The following NAV3 variants were observed in gnomAD, a reference collection of about 807,000 sequenced individuals.
NAV3 encodes pore membrane and/or filament interacting like protein 1.
A neutral mutation model predicts 244.7 loss-of-function variants in NAV3; 87 were observed. The ratio of observed to expected loss-of-function variants is 0.36; its 90% confidence interval spans 0.30 to 0.42. The LOEUF is 0.42. Ranked by LOEUF, NAV3 falls within the 20% of genes least tolerant of loss-of-function variation. NAV3 has a pLI of 1.00. For missense variants in NAV3, 2,663 were observed against 2,893.3 expected (o/e 0.92, Z 1.83); for synonymous variants, 1,126 against 1,042.2 (o/e 1.08, Z -1.55).
chr12:77,819,129 C>T (rs1872633525), intron 2 of NAV3, among the ~76,000 whole-genome samples: 1 of 151,898 alleles, frequency 6.6e-6, no homozygotes, highest in African/African-American at 2.4e-5. Flanking sequence ...AAGGAAACTG[C>T]TGGATTTTAA....
At chr12:77,745,423 G>C (rs1013101009) in intron 2 of NAV3, among the ~76,000 whole-genome samples, 1 of 152,014 alleles carries the variant, frequency 6.6e-6, no homozygotes, top group Admixed American at 6.6e-5. Flanking sequence ...GGGGAAGACT[G>C]GGGGTAAGCA....
chr12:78,139,923 A>G (rs1956534969), intron 19 of NAV3, among the ~76,000 whole-genome samples: 1 of 152,134 alleles, frequency 6.6e-6, no homozygotes. Flanking sequence ...AGGTACATAC[A>G]TTTTTTAAGG....
intron 2 of NAV3, among the ~76,000 whole-genome samples, chr12:77,663,191 T>C (rs1456109942): frequency 1.3e-5 from 2 of 152,210 alleles, no homozygotes; most frequent in Non-Finnish European, 2.9e-5. Context: ...TCTTAAATAA[T>C]TTTTGAATTA....
intron 2 of NAV3, among the ~76,000 whole-genome samples, chr12:77,751,136 A>C (rs1448019322): frequency 6.6e-6 from 1 of 152,196 alleles, no homozygotes; most frequent in Non-Finnish European, 1.5e-5. Flanking sequence ...TAGGCATATG[A>C]AAGTTGAGTT....
At chr12:78,155,758 A>G (rs1202559307) in intron 22 of NAV3, among the ~76,000 whole-genome samples, 1 of 150,942 alleles carries the variant, frequency 6.6e-6, no homozygotes, top group Non-Finnish European at 1.5e-5. Context: ...CCTTTTTTTT[A>G]TATGTTTGTT....
chr12:77,645,940 A>G (rs943491035), intron 2 of NAV3, among the ~76,000 whole-genome samples: 1 of 152,140 alleles, frequency 6.6e-6, no homozygotes, highest in Non-Finnish European at 1.5e-5. Context: ...ATGTTGGAGT[A>G]ACATTTTAGG....
At chr12:77,821,327 A>G (rs945216878) in intron 2 of NAV3, among the ~76,000 whole-genome samples, 1 of 152,224 alleles carries the variant, frequency 6.6e-6, no homozygotes, top group Non-Finnish European at 1.5e-5. Flanking sequence ...GATTAAAATC[A>G]TAGGCTAATT....
rs188549047 is a variant in NAV3, at chr12:77,710,109, A to G, written c.72+137843A>G. Reference sequence around the variant, plus strand: ...CAGTATTTAATAGATTCTAATAAAAAAAGCCAATGATTATTCTTATTAGGG... The same window carrying G: ...CAGTATTTAATAGATTCTAATAAAAGAAGCCAATGATTATTCTTATTAGGG... On this transcript the variant is annotated intron_variant, in intron 2 of 8. Coordinates refer to the NAV3 transcript ENST00000550042. Among the ~76,000 whole-genome samples the G allele has an allele frequency of 2.8e-3, 419 of 152,310 alleles. 3 individuals are homozygous for G. Among genetic ancestry groups the G allele is most frequent in the African/African-American group, 9.7e-3 (403 of 41,572 alleles).
chr12:78,005,964 A>G (rs188435010), intron 7 of NAV3, among the ~76,000 whole-genome samples: 2 of 152,252 alleles, frequency 1.3e-5, no homozygotes, highest in African/African-American at 4.8e-5. Flanking sequence ...GCTGGAGGGC[A>G]GCAGTGAGAT....
intron 11 of NAV3, among the ~76,000 whole-genome samples, chr12:78,051,565 C>T (rs1286778119): frequency 6.6e-6 from 1 of 152,006 alleles, no homozygotes; most frequent in Non-Finnish European, 1.5e-5. Flanking sequence ...TTACTGTCTT[C>T]AATTATGCAT....
At chr12:77,937,531 T>C (rs1889440622) in intron 1 of NAV3, among the ~76,000 whole-genome samples, 1 of 152,164 alleles carries the variant, frequency 6.6e-6, no homozygotes, top group Non-Finnish European at 1.5e-5. Flanking sequence ...AATGTTATCA[T>C]AAAACAAAAC....
In NAV3 at chr12:78,137,163, G is replaced by C. The variant is rs775050793; in HGVS notation, c.4442-14G>C. 1.2e-6 allele frequency: 2 copies of C among 1,605,790 alleles called. No homozygotes were observed. The highest frequency in any genetic ancestry group is 1.7e-6 in the Non-Finnish European group (2 of 1,175,944). ...AGCTTAAGAGTAATAGGCTCTGTGT[G>C]TTTTGTTTTTCAGTGAGCCCAACAA... On this transcript the variant is annotated splice_polypyrimidine_tract_variant and intron_variant, in intron 18 of 39. Transcript: ENST00000397909.
intron 12 of NAV3, among the ~76,000 whole-genome samples, chr12:78,066,001 C>T (rs1884977071): frequency 6.6e-6 from 1 of 152,094 alleles, no homozygotes; most frequent in Admixed American, 6.6e-5. Flanking sequence ...ACCTAGTCCC[C>T]CTTGTGATGA....
intron 1 of NAV3, among the ~76,000 whole-genome samples, chr12:77,894,137 G>C (rs1200601105): frequency 2.0e-5 from 3 of 152,116 alleles, no homozygotes; most frequent in Admixed American, 2.0e-4. Context: ...GATGGACTTT[G>C]GTTTGTTGAT....
chr12:77,725,874 G>T (rs567479517), intron 2 of NAV3, among the ~76,000 whole-genome samples: 7 of 151,882 alleles, frequency 4.6e-5, no homozygotes, highest in South Asian at 2.1e-4. Context: ...AGCCCTAAAG[G>T]CTGCCCTGTC....
intron 17 of NAV3, among the ~76,000 whole-genome samples, chr12:78,127,984 T>C (rs1160071779): frequency 4.6e-5 from 7 of 152,298 alleles, no homozygotes; most frequent in Middle Eastern, 3.4e-3. Flanking sequence ...TAACACTGTA[T>C]GTGTATGAAA....
chr12:77,656,811 A>G (rs1316075593), intron 2 of NAV3, among the ~76,000 whole-genome samples: 4 of 151,878 alleles, frequency 2.6e-5, no homozygotes, highest in African/African-American at 4.9e-5. Flanking sequence ...AACTCACTCA[A>G]AACCGCTCAA....
chr12:78,166,313 C>T (rs1179606182), intron 23 of NAV3, among the ~76,000 whole-genome samples: 1 of 151,634 alleles, frequency 6.6e-6, no homozygotes, highest in East Asian at 1.9e-4. Flanking sequence ...AAGGTGAGAG[C>T]AGATCTCATT....
chr12:77,667,412 G>A (rs965901473), intron 2 of NAV3, among the ~76,000 whole-genome samples: 2 of 152,170 alleles, frequency 1.3e-5, no homozygotes, highest in African/African-American at 4.8e-5. Context: ...GGTCGGGCAT[G>A]GCGGGAGTAA....
Sources: allele counts gnomAD v4.1 joint callset (sites outside exome capture counted in the v4.1 genomes callset), GRCh38; gene constraint gnomAD v4.1.1; transcripts MANE v1.5; gene names NCBI Gene and HGNC (gene_info 2026-07-23, HGNC 2026-07-21).